Variants in PTPRD observed in about 807,000 individuals in gnomAD.
The protein encoded by PTPRD is protein tyrosine phosphatase receptor type D.
In PTPRD, 34 loss-of-function variants were observed where a neutral mutation model predicts 214.5. That is an observed-to-expected ratio of 0.16 (90% CI 0.12 to 0.21). PTPRD has a LOEUF of 0.21. Among genes scored for constraint, PTPRD ranks in the 10% least tolerant of loss-of-function variants. PTPRD has a pLI of 1.00. For synonymous variants in PTPRD, 1,128 were observed against 845.7 expected (o/e 1.33, Z -5.79); for missense variants, 2,545 against 2,398.7 (o/e 1.06, Z -1.27).
chr9:9,888,535 C>A (rs139493065), intron 5 of PTPRD, among the ~76,000 whole-genome samples: 5 of 152,200 alleles, frequency 3.3e-5, no homozygotes, highest in African/African-American at 1.2e-4. Flanking sequence ...TGAGTGAGAT[C>A]TAGCTCTATG....
intron 11 of PTPRD, among the ~76,000 whole-genome samples, chr9:9,009,913 G>A (rs1330358824): frequency 6.6e-6 from 1 of 151,940 alleles, no homozygotes; most frequent in East Asian, 1.9e-4. Flanking sequence ...ATTTTAGGTT[G>A]ACTTGGTGCC....
chr9:9,610,357 G>C (rs191467042), intron 7 of PTPRD, among the ~76,000 whole-genome samples: 29 of 152,244 alleles, frequency 1.9e-4, no homozygotes, highest in Admixed American at 1.5e-3. Flanking sequence ...AATTAGTATT[G>C]AGTTATATTA....
chr9:9,911,526 T>C (rs1000287122), intron 5 of PTPRD, among the ~76,000 whole-genome samples: 2 of 150,364 alleles, frequency 1.3e-5, no homozygotes, highest in Non-Finnish European at 3.0e-5. Context: ...AGAGTTATAC[T>C]GCTAAAATAA....
chr9:9,650,136 C>T (rs1207947137), intron 7 of PTPRD, among the ~76,000 whole-genome samples: 1 of 152,108 alleles, frequency 6.6e-6, no homozygotes, highest in Non-Finnish European at 1.5e-5. Flanking sequence ...ACAATGAGAT[C>T]TGAAGGTTTA....
At chr9:10,218,033 T>A (rs998491720) in intron 3 of PTPRD, among the ~76,000 whole-genome samples, 1 of 151,844 alleles carries the variant, frequency 6.6e-6, no homozygotes, top group Non-Finnish European at 1.5e-5. Context: ...TCTGTTAATA[T>A]AACATAAATT....
In PTPRD at chr9:8,676,014, G is replaced by A. The variant is rs185904149; in HGVS notation, c.65-39170C>T. ...GTCTATTTATGACCTGAGCCCCGTC[G>A]TTCTATCCCATTTTGACCAATAGTG... On this transcript the variant is annotated intron_variant, in intron 12 of 45. Transcript: ENST00000381196. Among the ~76,000 whole-genome samples the A allele has an allele frequency of 8.5e-4, 129 of 152,204 alleles. 1 individual carries two copies. Among genetic ancestry groups the A allele is most frequent in the African/African-American group, 2.4e-4 (10 of 41,514 alleles).
intron 2 of PTPRD, among the ~76,000 whole-genome samples, chr9:10,384,074 C>CAAAAAAA (rs33977592): frequency 9.5e-6 from 1 of 104,742 alleles, no homozygotes. Flanking sequence ...TTAATGGGTA[C>CAAAAAAA]AAAAAAAAAA....
At chr9:9,743,486 C>T (rs964522008) in intron 6 of PTPRD, among the ~76,000 whole-genome samples, 2 of 152,038 alleles carry the variant, frequency 1.3e-5, no homozygotes, top group Admixed American at 6.6e-5. Context: ...CGCTTGTACT[C>T]AAGTGAGGGC....
At chr9:10,367,297 C>G (rs1014733004) in intron 2 of PTPRD, among the ~76,000 whole-genome samples, 1 of 152,028 alleles carries the variant, frequency 6.6e-6, no homozygotes, top group Non-Finnish European at 1.5e-5. Flanking sequence ...CGAAGAAATC[C>G]TTGGTGTTTA....
At position 8,485,876 on chromosome 9, in the gene PTPRD, G is replaced by C. The variant is rs368787989; in HGVS notation, c.2941C>G (p.Leu981Val). The change falls in exon 28 of 46, where the codon CTC becomes GTC. Residue 981 changes from leucine to valine, a missense_variant. Coordinates refer to ENST00000381196, the MANE Select transcript of PTPRD (RefSeq NM_002839.4). ...LIVPADTTMT[L>V]TGLKPDTTYD... ...GTGGTATCTGGTTTTAAGCCAGTGA[G>C]TGTCATAGTGGTGTCAGCTGGAACA... The C allele has an allele frequency of 3.7e-6, 6 of 1,614,070 alleles. No individual in the cohort carries two copies. In the African/African-American group the frequency reaches 5.3e-5, roughly 14 times the overall value.
chr9:9,619,548 C>T (rs1206848066), intron 7 of PTPRD, among the ~76,000 whole-genome samples: 2 of 144,492 alleles, frequency 1.4e-5, no homozygotes, highest in East Asian at 2.0e-4. Flanking sequence ...TATAGAAATT[C>T]CATATATTAT....
chr9:10,503,036 T>C (rs2044308438), intron 2 of PTPRD, among the ~76,000 whole-genome samples: 1 of 151,860 alleles, frequency 6.6e-6, no homozygotes, highest in South Asian at 2.1e-4. Context: ...ATCCTTGTTT[T>C]CCTTTAGAAT....
chr9:9,131,027 A>G (rs1256284103), intron 10 of PTPRD, among the ~76,000 whole-genome samples: 1 of 152,150 alleles, frequency 6.6e-6, no homozygotes, highest in Non-Finnish European at 1.5e-5. Context: ...TAAAAGAATA[A>G]AAAAACAAAT....
chr9:10,570,687 C>T (rs989013097), intron 2 of PTPRD, among the ~76,000 whole-genome samples: 1 of 152,082 alleles, frequency 6.6e-6, no homozygotes, highest in Non-Finnish European at 1.5e-5. Context: ...CCATTCAACT[C>T]CCTCCTTTGC....
At chr9:8,625,732 T>C (rs2096005737) in intron 14 of PTPRD, among the ~76,000 whole-genome samples, 1 of 151,622 alleles carries the variant, frequency 6.6e-6, no homozygotes, top group Non-Finnish European at 1.5e-5. Context: ...AGTTTAATAA[T>C]CAAAGGTAAA....
At chr9:10,324,143 C>A (rs2096603071) in intron 3 of PTPRD, among the ~76,000 whole-genome samples, 1 of 151,962 alleles carries the variant, frequency 6.6e-6, no homozygotes, top group Non-Finnish European at 1.5e-5. Flanking sequence ...AGTATGAGAA[C>A]ACTGAGGATT....
In PTPRD at chr9:9,675,954, C is replaced by A. The variant is rs1355642041; in HGVS notation, c.-287+58579G>T. Among the ~76,000 whole-genome samples, 3 of 151,928 alleles carry A rather than the reference C, an allele frequency of 2.0e-5. No individual in the cohort carries two copies. In the East Asian group the frequency reaches 5.8e-4, roughly 29 times the overall value. Reference sequence around the variant, plus strand: ...TAACCAACTATACCCAACAATGTTTCAAAAATGCTAAGACTGAGTTTGATT... The same window carrying A: ...TAACCAACTATACCCAACAATGTTTAAAAAATGCTAAGACTGAGTTTGATT... On this transcript the variant is annotated intron_variant, in intron 7 of 45. Transcript: ENST00000381196.
At position 8,978,662 on chromosome 9, in the gene PTPRD, C is replaced by T. The variant is rs141324005; in HGVS notation, c.-104+40035G>A. On this transcript the variant is annotated intron_variant, in intron 11 of 45. Transcript: ENST00000381196. ...ACTCCCCACCACCCCACTTCTCCAC[C>T]TTGGCTTGTGCCAGGCACAAGTATA... Among the ~76,000 whole-genome samples the T allele has an allele frequency of 1.4e-4, 21 of 152,224 alleles. 1 individual carries two copies. The East Asian group carries it at 4.1e-3, about 30-fold the overall frequency.
chr9:9,277,950 G>A (rs772311176), intron 9 of PTPRD, among the ~76,000 whole-genome samples: 3 of 151,212 alleles, frequency 2.0e-5, no homozygotes, highest in Admixed American at 6.6e-5. Context: ...TCATTGAAAG[G>A]ATAATTTTAG....
Sources: allele counts gnomAD v4.1 joint callset (sites outside exome capture counted in the v4.1 genomes callset), GRCh38; gene constraint gnomAD v4.1.1; transcripts MANE v1.5; gene names NCBI Gene and HGNC (gene_info 2026-07-23, HGNC 2026-07-21).